The following LCK variants were observed in gnomAD, a reference collection of about 807,000 sequenced individuals.
LCK encodes the protein LCK proto-oncogene, Src family tyrosine kinase.
In LCK, 14 loss-of-function variants were observed where a neutral mutation model predicts 64.6. The ratio of observed to expected loss-of-function variants is 0.22; its 90% CI spans 0.14 to 0.34. The LOEUF (loss-of-function observed/expected upper bound fraction) is 0.34. Ranked by LOEUF, LCK falls within the 10% of genes least tolerant of loss-of-function variation. LCK has a pLI of 1.00. For missense variants in LCK, 434 were observed against 668.1 expected, an observed-to-expected ratio of 0.65 and a Z score of 3.86; for synonymous variants, 277 against 263.6, an observed-to-expected ratio of 1.05 and a Z score of -0.49.
At position 32,276,021 on chromosome 1, in the gene LCK, A is replaced by G. The variant is rs1192340454; in HGVS notation, c.589A>G (p.Ile197Val). 8 of 1,613,856 alleles carry G rather than the reference A, an allele frequency of 5.0e-6. No individual in the cohort carries two copies. The highest frequency in any genetic ancestry group is 6.8e-6 in the Non-Finnish European group (8 of 1,179,978). The change falls in exon 7 of 13, where the codon ATC becomes GTC. Residue 197 changes from isoleucine to valine, a missense_variant. Ile to Val is a conservative substitution (Grantham distance 29). Transcript: ENST00000336890. This position sits in a 1 kb window ranked among gnomAD's most constrained non-coding sequence, Gnocchi z 4.6. The part of the protein sequence containing the change: ...DNGGFYISPR[I>V]TFPGLHELVR... ...CGGTGGCTTCTACATCTCCCCTCGAATCACTTTTCCCGGCCTGCATGAACT... is the reference window on the plus strand; with the variant it reads ...CGGTGGCTTCTACATCTCCCCTCGAGTCACTTTTCCCGGCCTGCATGAACT...
intron 1 of LCK, among the ~76,000 whole-genome samples, chr1:32,262,179 C>T (rs1180968496): frequency 2.8e-5 from 4 of 144,852 alleles, no homozygotes; most frequent in Admixed American, 6.9e-5. Context: ...CCACGGCCCC[C>T]GGTAGCCGGA....
At chr1:32,262,281 A>T (rs968084412) in intron 1 of LCK, among the ~76,000 whole-genome samples, 7 of 141,104 alleles carry the variant, frequency 5.0e-5, no homozygotes, top group Middle Eastern at 3.9e-3. Context: ...CAGGTGAATC[A>T]CTTGAGGACT....
intron 12 of LCK, 72 bp downstream of exon 12, chr1:32,280,282 C>A: frequency 6.3e-7 from 1 of 1,584,812 alleles, no homozygotes; most frequent in South Asian, 1.1e-5. Context: ...CAATTCTTTC[C>A]AGTCTCAGAA....
intron 9 of LCK, among the ~76,000 whole-genome samples, chr1:32,278,577 G>C (rs552409000): frequency 7.2e-5 from 11 of 152,258 alleles, no homozygotes; most frequent in African/African-American, 2.6e-4. Flanking sequence ...GTCCTCAGGT[G>C]ATCCTCCCGC....
chr1:32,267,584 A>C (rs1352300486), intron 1 of LCK, among the ~76,000 whole-genome samples: 1 of 152,020 alleles, frequency 6.6e-6, no homozygotes, highest in Non-Finnish European at 1.5e-5. Context: ...AACATGGTGA[A>C]ACCCTGTCTC....
intron 1 of LCK, among the ~76,000 whole-genome samples, chr1:32,267,617 C>T (rs189990245): frequency 1.3e-5 from 2 of 151,780 alleles, no homozygotes; most frequent in Admixed American, 6.6e-5. Context: ...AAAATTAGGC[C>T]GGGCATGGTG....
At chr1:32,264,835 C>T (rs992346516) in intron 1 of LCK, among the ~76,000 whole-genome samples, 12 of 152,102 alleles carry the variant, frequency 7.9e-5, no homozygotes, top group African/African-American at 2.2e-4. Context: ...GGGGCTCAAT[C>T]GATCCTCTCT....
At chr1:32,265,008 A>G (rs944697668) in intron 1 of LCK, among the ~76,000 whole-genome samples, 5 of 152,122 alleles carry the variant, frequency 3.3e-5, no homozygotes, top group African/African-American at 7.2e-5. Flanking sequence ...GGAGTTCAAG[A>G]CCAGCTTGGG....
At chr1:32,256,149 G>A (rs915950272) in intron 1 of LCK, among the ~76,000 whole-genome samples, 4 of 151,710 alleles carry the variant, frequency 2.6e-5, no homozygotes. Context: ...TATTTATTTA[G>A]TTATTTATAG....
rs1640259635 is a variant in LCK at position 32,276,089 on chromosome 1, G to A, written c.631+26G>A. On this transcript the variant is annotated intron_variant, in intron 7 of 12. Transcript: ENST00000336890. The surrounding 1 kb of genome is among the most constrained non-coding windows in gnomAD (Gnocchi z 4.6). ...GTGAGCCCGACGGGACCCCTCCCCC[G>A]TGCCCTATCAGCCTATCTCCCCTCA... 5 of 1,611,788 alleles carry A rather than the reference G, an allele frequency of 3.1e-6. No homozygotes were observed. The highest frequency in any genetic ancestry group is 4.2e-6 in the Non-Finnish European group (5 of 1,179,260).
chr1:32,272,650 CGAGAGA>C (rs1442196668), intron 1 of LCK, among the ~76,000 whole-genome samples: 296 of 73,052 alleles, frequency 4.1e-3, no homozygotes, highest in African/African-American at 0.023. Context: ...AGAGAGAGAG[CGAGAGA>C]GCGCACGCAT....
chr1:32,276,198 G>T lies in LCK; in HGVS notation c.631+135G>T, dbSNP rs1325005681. The stretch of plus-strand genomic sequence containing the variant: ...GTGAGGTGTGGAACCTGACCCTACG[G>T]CCCCAAGTGTTTGGGTGACAGCCCC... On this transcript the variant is annotated intron_variant, in intron 7 of 12. Coordinates refer to ENST00000336890, the MANE Select transcript of LCK (RefSeq NM_005356.5). The surrounding 1 kb of genome is among the most constrained non-coding windows in gnomAD (Gnocchi z 4.6). 6.9e-7 allele frequency: 1 copy of T among 1,445,166 alleles called. No individual in the cohort carries two copies. The highest frequency in any genetic ancestry group is 2.0e-5 in the Admixed American group (1 of 48,950). 89.5% of individuals were successfully genotyped at this position (1,445,166 alleles called of 1,614,324 possible). A position where few individuals can be genotyped will look rare whatever the true frequency, so the allele number is the denominator to read the frequency against.
At chr1:32,274,202 G>C (rs1280171764) in intron 1 of LCK, 123 bp from the exon 2 acceptor site, 4 of 1,538,400 alleles carry the variant, frequency 2.6e-6, no homozygotes, top group Non-Finnish European at 3.5e-6. Context: ...TGGTGAATGG[G>C]GATCCCAGGA....
At chr1:32,284,676 C>A (rs1424161604) in intron 12 of LCK, among the ~76,000 whole-genome samples, 1 of 152,086 alleles carries the variant, frequency 6.6e-6, no homozygotes, top group Non-Finnish European at 1.5e-5. Context: ...GGCCTGTGCA[C>A]TATATTTGAT....
intron 12 of LCK, 73 bp downstream of exon 12, chr1:32,280,283 AGTC>A: frequency 6.3e-7 from 1 of 1,584,358 alleles, no homozygotes; most frequent in Non-Finnish European, 8.6e-7. Flanking sequence ...AATTCTTTCC[AGTC>A]TCAGAATCTG....
intron 12 of LCK, among the ~76,000 whole-genome samples, chr1:32,282,538 A>G (rs757309823): frequency 6.6e-6 from 1 of 152,080 alleles, no homozygotes; most frequent in Non-Finnish European, 1.5e-5. Flanking sequence ...GGGCACGGTG[A>G]CTCACACCTG....
intron 1 of LCK, among the ~76,000 whole-genome samples, chr1:32,261,952 G>GAAAAA (rs934560000): frequency 7.5e-5 from 3 of 40,106 alleles, no homozygotes; most frequent in African/African-American, 7.9e-5. Flanking sequence ...GACTCTGTCA[G>GAAAAA]AAAAAAAAAA....
intron 1 of LCK, among the ~76,000 whole-genome samples, chr1:32,262,910 C>T (rs991826935): frequency 6.7e-5 from 10 of 149,580 alleles, no homozygotes; most frequent in African/African-American, 2.2e-4. Context: ...ATCCCCAGGG[C>T]TCCCAGAACC....
intron 12 of LCK, 31 bp from the exon 13 acceptor site, chr1:32,285,483 C>T (rs1476939032): frequency 1.3e-6 from 2 of 1,598,886 alleles, no homozygotes; most frequent in Admixed American, 1.7e-5. Context: ...CAGTGCCTGA[C>T]CTTGATGTCC....
Sources: gnomAD v4.1 joint callset for allele counts (sites outside exome capture counted in the v4.1 genomes callset) on GRCh38, gnomAD v4.1.1 for gene constraint, Gnocchi (gnomAD v3.1) non-coding constraint, MANE v1.5 for transcripts, NCBI Gene and HGNC (gene_info 2026-07-23, HGNC 2026-07-21) for gene names.